Variants in CRYBG1 observed in about 807,000 individuals in gnomAD.
CRYBG1 encodes the protein beta/gamma crystallin domain-containing protein 1.
In CRYBG1, 139 loss-of-function variants were observed where a neutral mutation model predicts 189.2. The ratio of observed to expected loss-of-function variants is 0.73; its 90% confidence interval spans 0.64 to 0.85. The LOEUF is 0.85. CRYBG1 is among the 40% of genes least tolerant of loss of function. The probability of loss-of-function intolerance (pLI) is 0.00; values close to 1 mark genes in which losing one functional copy is unlikely to be tolerated. For missense variants in CRYBG1, 2,611 were observed against 2,675.8 expected (o/e 0.98, Z 0.53); for synonymous variants, 1,023 against 1,017.1 (o/e 1.01, Z -0.11).
rs1207496186 is a variant in CRYBG1, at chr6:106,520,826, C to T, written c.3618C>T (p.Asn1206=). 1.9e-6 allele frequency: 3 copies of T among 1,614,018 alleles called. No homozygotes were observed. In the African/African-American group the frequency reaches 4.0e-5, roughly 22 times the overall value. Residue 1206 remains asparagine, a synonymous_variant, in exon 4 of 22, where the codon AAC becomes AAT. Transcript: ENST00000633556. ...TCCTCTTCAAGTCCCTGCACACCAA[C>T]ACTAATGGGAACAGTGAGCCTCTGG... ...QSVLFKSLHT[N]TNGNSEPLVM...
In CRYBG1 at chr6:106,561,373, C is replaced by A. The variant is rs1056823620; in HGVS notation, c.6011C>A (p.Ala2004Glu). ...ATTTATTTCAGACTTCGAAACAAAG[C>A]AACAGGGTTATTCATGTCAACCAAT... ...KRIYFRLRNK[A>E]TGLFMSTNGN... is the part of the protein sequence containing the mutation. Residue 2004 changes from alanine (A) to glutamate (E), a missense_variant, in exon 20 of 22, where the codon GCA becomes GAA. This residue lies in a region of CRYBG1 where 1,622 missense variants were observed against 1,735.0 expected (regional missense o/e 0.93). Transcript: ENST00000633556. The A allele has an allele frequency of 1.9e-6, 3 of 1,613,848 alleles. No individual in the cohort carries two copies. Among genetic ancestry groups the A allele is most frequent in the Admixed American group, 1.7e-5 (1 of 59,968 alleles).
At position 106,397,732 on chromosome 6, in the gene CRYBG1, G is replaced by A. The variant is rs77078815; in HGVS notation, c.173+36651G>A. ...ACCACTAACTCCATGACTACTGAGT[G>A]ACAATCTCTGCATTTGGAATGTTTC... On this transcript the variant is annotated intron_variant, in intron 1 of 21. Transcript: ENST00000633556. Among the ~76,000 whole-genome samples the A allele has an allele frequency of 4.1e-3, 627 of 152,320 alleles. 3 individuals carry two copies. Among genetic ancestry groups the A allele is most frequent in the African/African-American group, 0.014 (576 of 41,570 alleles).
At chr6:106,448,757 C>T (rs955423206) in intron 1 of CRYBG1, among the ~76,000 whole-genome samples, 5 of 152,162 alleles carry the variant, frequency 3.3e-5, no homozygotes, top group African/African-American at 1.2e-4. Flanking sequence ...CCTAATTGAA[C>T]CTCAGCTTCT....
intron 10 of CRYBG1, among the ~76,000 whole-genome samples, chr6:106,541,851 G>C (rs965480605): frequency 5.9e-5 from 9 of 152,214 alleles, no homozygotes; most frequent in African/African-American, 1.9e-4. Context: ...ATCACTAAGA[G>C]TACATTTAGC....
intron 2 of CRYBG1, among the ~76,000 whole-genome samples, chr6:106,499,964 C>T (rs373797013): frequency 2.6e-5 from 4 of 152,176 alleles, no homozygotes; most frequent in African/African-American, 9.7e-5. Flanking sequence ...ACAGTGTCCT[C>T]CAGGTTCATC....
chr6:106,536,035 C>T (rs62420969), intron 8 of CRYBG1, among the ~76,000 whole-genome samples: 10 of 868 alleles, frequency 0.012, 5 homozygotes, highest in East Asian at 0.091. Flanking sequence ...CCACCCGCCT[C>T]GGCCTCCCAA....
chr6:106,460,471 T>A (rs562934186), intron 2 of CRYBG1, among the ~76,000 whole-genome samples: 1 of 152,338 alleles, frequency 6.6e-6, no homozygotes, highest in South Asian at 2.1e-4. Flanking sequence ...GACATTTTTA[T>A]CTTCTTTGTA....
rs1286869122 is a variant in CRYBG1 at position 106,519,688 on chromosome 6, T to C, written c.2480T>C (p.Val827Ala). 6.2e-7 allele frequency: 1 copy of C among 1,614,214 alleles called. No homozygotes were observed. Among genetic ancestry groups the C allele is most frequent in the Admixed American group, 1.7e-5 (1 of 60,022 alleles). Residue 827 changes from valine (V) to alanine (A), a missense_variant, in exon 4 of 22, where the codon GTA (valine) becomes GCA (alanine). Coordinates refer to ENST00000633556, the MANE Select transcript of CRYBG1 (RefSeq NM_001371242.2). ...DSEAADSKSLVLENVTDTAQD... is the reference protein window; with the variant it reads ...DSEAADSKSLALENVTDTAQD... Reference sequence around the variant, plus strand: ...GAGGCTGCAGACAGCAAAAGCCTTGTACTTGAAAATGTAACCGATACAGCA... The same window carrying C: ...GAGGCTGCAGACAGCAAAAGCCTTGCACTTGAAAATGTAACCGATACAGCA...
At position 106,548,947 on chromosome 6, in the gene CRYBG1, TG is replaced by T. The variant is rs1774333380; in HGVS notation, c.5313-2904del. ...TGTGATGTTCCCCTTCCTGTGTCCA[TG>T]TGTTCTCATTGTTCAATTCCCACCT... On this transcript the variant is annotated intron_variant, in intron 13 of 21. Transcript: ENST00000633556. Among the ~76,000 whole-genome samples, 3 of 133,708 alleles carry T rather than the reference TG, an allele frequency of 2.2e-5. 1 individual carries two copies. The South Asian group carries it at 7.2e-4, about 32-fold the overall frequency. 87.7% of individuals were successfully genotyped at this position (133,708 alleles called of 152,430 possible). A position where few individuals can be genotyped will look rare whatever the true frequency, so the allele number is the denominator to read the frequency against.
At chr6:106,452,835 A>G (rs1029715366) in intron 2 of CRYBG1, among the ~76,000 whole-genome samples, 1 of 152,228 alleles carries the variant, frequency 6.6e-6, no homozygotes, top group Non-Finnish European at 1.5e-5. Context: ...AGGATGGGAA[A>G]GTAGAATGAT....
chr6:106,541,363 G>A (rs777892542), intron 9 of CRYBG1: 117 of 672,580 alleles, frequency 1.7e-4, no homozygotes, highest in South Asian at 3.5e-4. Flanking sequence ...CTCCTACAAC[G>A]CAGATCAGCT....
chr6:106,438,198 C>A (rs994185156), intron 1 of CRYBG1, among the ~76,000 whole-genome samples: 3 of 152,194 alleles, frequency 2.0e-5, no homozygotes, highest in Non-Finnish European at 2.9e-5. Context: ...AGGCCAGCGT[C>A]CCTAAAAAGA....
chr6:106,468,406 T>C (rs967189064), intron 2 of CRYBG1, among the ~76,000 whole-genome samples: 2 of 152,148 alleles, frequency 1.3e-5, no homozygotes, highest in Non-Finnish European at 2.9e-5. Flanking sequence ...CATCAGGAAA[T>C]TGATGGCTGT....
intron 8 of CRYBG1, among the ~76,000 whole-genome samples, chr6:106,533,471 C>A (rs1773920120): frequency 6.6e-6 from 1 of 152,194 alleles, no homozygotes; most frequent in Non-Finnish European, 1.5e-5. Flanking sequence ...GAAGGATCAG[C>A]CTGTCTGTTC....
At chr6:106,414,408 A>G (rs1031992715) in intron 1 of CRYBG1, among the ~76,000 whole-genome samples, 1 of 152,236 alleles carries the variant, frequency 6.6e-6, no homozygotes, top group African/African-American at 2.4e-5. Context: ...ACAGCCTAGA[A>G]TTACCTCCTT....
intron 2 of CRYBG1, among the ~76,000 whole-genome samples, chr6:106,487,726 C>T (rs1161299535): frequency 6.6e-6 from 1 of 152,084 alleles, no homozygotes; most frequent in Non-Finnish European, 1.5e-5. Flanking sequence ...TTCCTGCTTT[C>T]ATTGAATTGT....
chr6:106,393,193 T>C (rs1302692399), intron 1 of CRYBG1, among the ~76,000 whole-genome samples: 2 of 152,228 alleles, frequency 1.3e-5, no homozygotes, highest in African/African-American at 4.8e-5. Flanking sequence ...TTGGGCTAGC[T>C]CATCAGAGTT....
chr6:106,540,636 T>G (rs1774107280), intron 9 of CRYBG1, among the ~76,000 whole-genome samples: 1 of 152,122 alleles, frequency 6.6e-6, no homozygotes, highest in Non-Finnish European at 1.5e-5. Context: ...AAAGGTCATG[T>G]GCTTAGTTGT....
intron 2 of CRYBG1, among the ~76,000 whole-genome samples, chr6:106,494,528 A>G (rs1300236693): frequency 6.6e-6 from 1 of 152,118 alleles, no homozygotes; most frequent in African/African-American, 2.4e-5. Flanking sequence ...AGAGGAGAAC[A>G]TTTTTTCTTG....
Sources: allele counts gnomAD v4.1 joint callset (sites outside exome capture counted in the v4.1 genomes callset), GRCh38; gene constraint gnomAD v4.1.1; regional missense constraint gnomAD v4.1.1; transcripts MANE v1.5; gene names NCBI Gene and HGNC (gene_info 2026-07-23, HGNC 2026-07-21).